Variants in CTNNA3 observed in about 807,000 individuals in gnomAD.
CTNNA3 encodes catenin alpha-3.
In CTNNA3, 76 loss-of-function variants were observed where a neutral mutation model predicts 95.7. That is an observed-to-expected ratio of 0.79 (90% CI 0.66 to 0.96). The LOEUF is 0.96. Ranked by LOEUF, CTNNA3 falls within the 40% of genes least tolerant of loss-of-function variation. CTNNA3 has a pLI of 0.00. For missense variants in CTNNA3, 1,191 were observed against 1,089.8 expected (o/e 1.09, Z -1.31); for synonymous variants, 431 against 374.4 (o/e 1.15, Z -1.74).
At chr10:66,318,276 A>ATATGTGTG (rs33943741) in intron 12 of CTNNA3, among the ~76,000 whole-genome samples, 2,890 of 136,556 alleles carry the variant, frequency 0.021, 30 homozygotes, top group Non-Finnish European at 0.024. Flanking sequence ...ATATATATAT[A>ATATGTGTG]TGTGTGTGTG....
intron 7 of CTNNA3, among the ~76,000 whole-genome samples, chr10:67,148,858 G>A (rs1860959642): frequency 6.6e-6 from 1 of 152,164 alleles, no homozygotes; most frequent in African/African-American, 2.4e-5. Flanking sequence ...TAAGAACTGG[G>A]TTTGTGAGAG....
At chr10:66,229,979 A>C (rs1166319052) in intron 13 of CTNNA3, among the ~76,000 whole-genome samples, 1 of 151,608 alleles carries the variant, frequency 6.6e-6, no homozygotes, top group Non-Finnish European at 1.5e-5. Context: ...CACCTTCAGA[A>C]ATTTTTTTTC....
At chr10:66,147,582 T>G (rs2083954449) in intron 13 of CTNNA3, among the ~76,000 whole-genome samples, 1 of 150,722 alleles carries the variant, frequency 6.6e-6, no homozygotes, top group Non-Finnish European at 1.5e-5. Context: ...CAGACAGCCT[T>G]TTGAGGGACA....
At chr10:67,484,986 T>G (rs566524034) in intron 5 of CTNNA3, among the ~76,000 whole-genome samples, 17 of 151,922 alleles carry the variant, frequency 1.1e-4, no homozygotes, top group African/African-American at 3.9e-4. Flanking sequence ...CAAAAGAAAA[T>G]AAATCATTCT....
intron 1 of CTNNA3, among the ~76,000 whole-genome samples, chr10:67,676,653 C>T (rs913595733): frequency 2.0e-5 from 3 of 152,092 alleles, no homozygotes; most frequent in African/African-American, 7.2e-5. Flanking sequence ...GTGCTCTGTT[C>T]CTGGTACACA....
At chr10:67,540,606 A>G (rs1008086297) in intron 3 of CTNNA3, among the ~76,000 whole-genome samples, 2 of 152,022 alleles carry the variant, frequency 1.3e-5, no homozygotes, top group African/African-American at 4.8e-5. Flanking sequence ...ACATAAATGT[A>G]TATGTATGTT....
intron 7 of CTNNA3, among the ~76,000 whole-genome samples, chr10:66,776,581 G>A (rs1840310401): frequency 6.6e-6 from 1 of 152,024 alleles, no homozygotes; most frequent in East Asian, 1.9e-4. Context: ...TTACTCTTAT[G>A]TACTGCTATA....
chr10:66,166,591 A>G (rs753560811), intron 13 of CTNNA3, among the ~76,000 whole-genome samples: 7 of 152,128 alleles, frequency 4.6e-5, no homozygotes, highest in African/African-American at 1.2e-4. Flanking sequence ...TAACTCACAG[A>G]GGTAGAATCT....
At chr10:67,593,929 A>G (rs1311458729) in intron 3 of CTNNA3, among the ~76,000 whole-genome samples, 1 of 151,966 alleles carries the variant, frequency 6.6e-6, no homozygotes, top group African/African-American at 2.4e-5. Flanking sequence ...TGAGGTATGT[A>G]CCTTTGATGC....
At chr10:66,194,961 C>T (rs2086876612) in intron 13 of CTNNA3, among the ~76,000 whole-genome samples, 1 of 152,174 alleles carries the variant, frequency 6.6e-6, no homozygotes, top group African/African-American at 2.4e-5. Context: ...ATAAAAATAA[C>T]TTAATTTGCT....
intron 9 of CTNNA3, among the ~76,000 whole-genome samples, chr10:66,699,761 C>T (rs553597165): frequency 2.5e-4 from 38 of 151,644 alleles, no homozygotes; most frequent in African/African-American, 6.0e-4. Context: ...TAGGTTCAAG[C>T]GATTCTCCTG....
At chr10:66,389,724 G>GGAGAGA (rs3980751) in intron 11 of CTNNA3, among the ~76,000 whole-genome samples, 36 of 145,412 alleles carry the variant, frequency 2.5e-4, no homozygotes, top group South Asian at 4.3e-4. Flanking sequence ...ATATATATAT[G>GGAGAGA]GAGAGAGAGA....
At chr10:66,440,601 A>G (rs1414025519) in intron 11 of CTNNA3, among the ~76,000 whole-genome samples, 1 of 152,126 alleles carries the variant, frequency 6.6e-6, no homozygotes, top group African/African-American at 2.4e-5. Flanking sequence ...TACACTACCC[A>G]TCTGACTCCA....
chr10:67,311,714 C>G (rs1307163015), intron 5 of CTNNA3, among the ~76,000 whole-genome samples: 1 of 151,948 alleles, frequency 6.6e-6, no homozygotes, highest in Non-Finnish European at 1.5e-5. Flanking sequence ...AAGAGAACAC[C>G]AAAAAGGCTG....
chr10:67,529,037 T>C (rs144195897), intron 4 of CTNNA3, among the ~76,000 whole-genome samples: 29 of 152,260 alleles, frequency 1.9e-4, no homozygotes, highest in African/African-American at 6.5e-4. Flanking sequence ...CTACCAAAAA[T>C]TGATAAGTAT....
At position 65,920,087 on chromosome 10, in the gene CTNNA3, C is replaced by T. The variant is rs77424782; in HGVS notation, c.*243G>A. 3,792 of 519,236 alleles carry T rather than the reference C, an allele frequency of 7.3e-3. 116 individuals carry two copies. The highest frequency in any genetic ancestry group is 0.065 in the African/African-American group (3,405 of 52,334). 32.2% of individuals were successfully genotyped at this position (519,236 alleles called of 1,614,324 possible). A position where few individuals can be genotyped will look rare whatever the true frequency, so the allele number is the denominator to read the frequency against. On this transcript the variant is annotated 3_prime_UTR_variant, in exon 18 of 18. Coordinates refer to ENST00000433211, the MANE Select transcript of CTNNA3 (RefSeq NM_013266.4). ...CTATGATGGGAAACGCTGAATGACA[C>T]GTGATAATTTCATTCATTCAACAAG... is the stretch of plus-strand genomic sequence containing the variant.
At chr10:66,853,739 C>T (rs1187834107) in intron 7 of CTNNA3, among the ~76,000 whole-genome samples, 1 of 151,902 alleles carries the variant, frequency 6.6e-6, no homozygotes, top group Non-Finnish European at 1.5e-5. Context: ...TGCCGAACCA[C>T]CAAGGACATC....
chr10:67,353,604 C>T, intron 5 of CTNNA3, among the ~76,000 whole-genome samples: 1 of 151,824 alleles, frequency 6.6e-6, no homozygotes, highest in Non-Finnish European at 1.5e-5. Context: ...GCTGAGAAAA[C>T]AAGATATATA....
At chr10:66,331,220 A>G (rs1226142297) in intron 12 of CTNNA3, among the ~76,000 whole-genome samples, 5 of 151,704 alleles carry the variant, frequency 3.3e-5, no homozygotes, top group African/African-American at 4.8e-5. Context: ...TAAGTTTTTA[A>G]TCAAGCTTGA....
Sources: allele counts gnomAD v4.1 joint callset (sites outside exome capture counted in the v4.1 genomes callset), GRCh38; gene constraint gnomAD v4.1.1; transcripts MANE v1.5; gene names NCBI Gene and HGNC (gene_info 2026-07-23, HGNC 2026-07-21).